Variants in RET observed in about 807,000 individuals in gnomAD.
RET encodes the protein proto-oncogene tyrosine-protein kinase receptor Ret.
RET carries 19 observed loss-of-function variants against 118.3 expected under a neutral mutation model. The observed-to-expected ratio is 0.16, with a 90% CI of 0.11 to 0.24. RET has a LOEUF of 0.24. Ranked by LOEUF, RET falls within the 10% of genes least tolerant of loss-of-function variation. RET has a pLI of 1.00. For synonymous variants in RET, 597 were observed against 644.1 expected (o/e 0.93, Z 1.11); for missense variants, 1,219 against 1,502.1 (o/e 0.81, Z 3.12).
At chr10:43,127,556 C>A in intron 19 of RET, 29 of 881,648 alleles carry the variant, frequency 3.3e-5, no homozygotes, top group Non-Finnish European at 3.9e-5. Context: ...GAGTTTCAAG[C>A]ATTTTTTTCA....
chr10:43,079,007 C>T (rs894620955), intron 1 of RET, among the ~76,000 whole-genome samples: 10 of 152,196 alleles, frequency 6.6e-5, no homozygotes, highest in Non-Finnish European at 1.2e-4. Flanking sequence ...AGGTTCGAGC[C>T]GCACTCTTGG....
intron 2 of RET, 113 bp downstream of exon 2, chr10:43,100,835 T>C: frequency 8.3e-7 from 1 of 1,197,822 alleles, no homozygotes; most frequent in Non-Finnish European, 1.2e-6. Context: ...CCACCGCTGG[T>C]GTGGAAGGCG....
At chr10:43,124,100 G>C (rs1249456611) in intron 17 of RET, among the ~76,000 whole-genome samples, 1 of 152,140 alleles carries the variant, frequency 6.6e-6, no homozygotes, top group Non-Finnish European at 1.5e-5. Context: ...ACTTAGGGAG[G>C]AGAAGGTAAT....
rs267607011 is a variant in RET at position 43,120,184 on chromosome 10, C to G, written c.2711C>G (p.Ser904Cys). 1.9e-6 allele frequency: 3 copies of G among 1,613,158 alleles called. No individual in the cohort carries two copies. Among genetic ancestry groups the G allele is most frequent in the Non-Finnish European group, 2.5e-6 (3 of 1,179,990 alleles). ...TCCCGAGATGTTTATGAAGAGGATT[C>G]CTACGTGAAGAGGAGCCAGGTGCCC... ...GLSRDVYEEDSYVKRSQGRIP... is the reference protein window; with the variant it reads ...GLSRDVYEEDCYVKRSQGRIP... The change falls in exon 15 of 20, where the codon TCC becomes TGC. Residue 904 changes from serine (S) to cysteine (C), a missense_variant. By Grantham distance (112) the Ser-to-Cys change is moderately radical. Transcript: ENST00000355710.
At position 43,130,095 on chromosome 10, in the gene RET, T is replaced by C. The variant is rs1313127455; in HGVS notation, c.*1826T>C. ...GGGGAATTTATCCTTGACCAATTTA[T>C]CCTTGACCAATAACCTAATTGTCTA... On this transcript the variant is annotated 3_prime_UTR_variant, in exon 20 of 20. Transcript: ENST00000355710. 2.5e-6 allele frequency: 1 copy of C among 397,994 alleles called. No homozygotes were observed. Among genetic ancestry groups the C allele is most frequent in the Non-Finnish European group, 4.4e-6 (1 of 225,870 alleles). 24.7% of individuals were successfully genotyped at this position (397,994 alleles called of 1,614,324 possible). A position where few individuals can be genotyped will look rare whatever the true frequency, so the allele number is the denominator to read the frequency against.
At chr10:43,084,107 CCGTCA>C (rs1837241695) in intron 1 of RET, among the ~76,000 whole-genome samples, 1 of 152,228 alleles carries the variant, frequency 6.6e-6, no homozygotes. Flanking sequence ...AAATAGTGTG[CCGTCA>C]CCCATTCATC....
chr10:43,100,538 G>A lies in RET; in HGVS notation c.153G>A (p.Leu51=), dbSNP rs1837615966. 1.2e-6 allele frequency: 2 copies of A among 1,613,898 alleles called. No homozygotes were observed. The highest frequency in any genetic ancestry group is 1.7e-6 in the Non-Finnish European group (2 of 1,180,022). ...ACCAGGCAGCCGGCACGCCCTTGCTGTACGTCCATGCCCTGCGGGACGCCC... is the reference window on the plus strand; with the variant it reads ...ACCAGGCAGCCGGCACGCCCTTGCTATACGTCCATGCCCTGCGGGACGCCC... ...YVDQAAGTPL[L]YVHALRDAPE... The change falls in exon 2 of 20, where the codon CTG becomes CTA. Residue 51 remains leucine (L), a synonymous_variant. Transcript: ENST00000355710.
chr10:43,121,832 T>C (rs904142519), intron 15 of RET, 114 bp from the exon 16 acceptor site: 1 of 803,552 alleles, frequency 1.2e-6, no homozygotes, highest in Admixed American at 1.7e-5. Context: ...CAGGAGTGTC[T>C]ACAGCACTCC....
chr10:43,123,610 C>T, intron 16 of RET, 61 bp from the exon 17 acceptor site: 3 of 1,611,460 alleles, frequency 1.9e-6, no homozygotes, highest in Admixed American at 1.7e-5. Flanking sequence ...ATATCTGGGC[C>T]CCCCGGAGGG....
At chr10:43,081,410 C>G (rs1178598784) in intron 1 of RET, among the ~76,000 whole-genome samples, 1 of 152,234 alleles carries the variant, frequency 6.6e-6, no homozygotes, top group African/African-American at 2.4e-5. Flanking sequence ...TGGGGACTCT[C>G]CAGAGCTGTC....
In RET at chr10:43,121,950, G is replaced by C. The variant is rs78347871; in HGVS notation, c.2735G>C (p.Arg912Pro). 1.2e-6 allele frequency: 2 copies of C among 1,611,804 alleles called. No homozygotes were observed. Among genetic ancestry groups the C allele is most frequent in the South Asian group, 2.2e-5 (2 of 91,028 alleles). The change falls in exon 16 of 20, where the codon CGG becomes CCG. Residue 912 changes from arginine to proline, a missense_variant. By Grantham distance (103) the Arg-to-Pro change is moderately radical. Transcript: ENST00000355710. ...TTTATTCCATCTTCTCTTTAGGGTC[G>C]GATTCCAGTTAAATGGATGGCAATT... ...EDSYVKRSQG[R>P]IPVKWMAIES... is the part of the protein sequence containing the mutation.
At chr10:43,096,988 T>A (rs563472433) in intron 1 of RET, among the ~76,000 whole-genome samples, 6 of 152,142 alleles carry the variant, frequency 3.9e-5, no homozygotes, top group Non-Finnish European at 8.8e-5. Context: ...TGGGAGGCAT[T>A]TTAAGTGCAT....
rs969827917 is a variant in RET, at chr10:43,114,322, C to T, written c.1880-158C>T. 5.9e-5 allele frequency among the ~76,000 whole-genome samples: 9 copies of T among 152,198 alleles called. No individual in the cohort carries two copies. Among genetic ancestry groups the T allele is most frequent in the African/African-American group, 2.2e-4 (9 of 41,524 alleles). On this transcript the variant is annotated intron_variant, in intron 10 of 19. Coordinates refer to ENST00000355710, the MANE Select transcript of RET (RefSeq NM_020975.6). This position sits in a 1 kb window ranked among gnomAD's most constrained non-coding sequence, Gnocchi z 4.6. ...GGCAGTAAATGGCAGTACCCATGCT[C>T]GATGGGGTGTTCTCAGGCCTTCCCA...
At chr10:43,124,429 G>A (rs531253414) in intron 17 of RET, among the ~76,000 whole-genome samples, 1 of 152,242 alleles carries the variant, frequency 6.6e-6, no homozygotes, top group East Asian at 1.9e-4. Flanking sequence ...GGCAAGCAAG[G>A]ACGGTGCAGG....
chr10:43,091,292 C>T (rs1220005507), intron 1 of RET, among the ~76,000 whole-genome samples: 1 of 152,104 alleles, frequency 6.6e-6, no homozygotes. Flanking sequence ...CTGTAGAGAA[C>T]TCCTCACACT....
chr10:43,100,371 G>T (rs1837609908), intron 1 of RET, 88 bp from the exon 2 acceptor site: 1 of 1,500,496 alleles, frequency 6.7e-7, no homozygotes, highest in Non-Finnish European at 9.2e-7. Flanking sequence ...TGCTAAGATC[G>T]GAATTTTAAA....
chr10:43,119,934 C>A, intron 14 of RET, 147 bp from the exon 15 acceptor site: 1 of 1,309,748 alleles, frequency 7.6e-7, no homozygotes, highest in Non-Finnish European at 1.1e-6. Context: ...GACTCCACCA[C>A]GCCCCTGCCA....
At position 43,112,980 on chromosome 10, in the gene RET, C is replaced by T. The variant is rs2132818270; in HGVS notation, c.1759+17C>T. On this transcript the variant is annotated intron_variant, in intron 9 of 19. Transcript: ENST00000355710. ...ACTGCCTCCGTAAGCAGGGTTTAAT[C>T]AGGGCATGGGAACAGGTAGGAGATA... is the stretch of plus-strand genomic sequence containing the variant. The T allele has an allele frequency of 1.3e-6, 2 of 1,599,634 alleles. No homozygotes were observed. The highest frequency in any genetic ancestry group is 1.7e-6 in the Non-Finnish European group (2 of 1,166,730).
chr10:43,091,537 A>C (rs993944069), intron 1 of RET, among the ~76,000 whole-genome samples: 1 of 151,704 alleles, frequency 6.6e-6, no homozygotes, highest in African/African-American at 2.4e-5. Flanking sequence ...AGGCTGAGGC[A>C]GGAGAATCGC....
Sources: allele counts gnomAD v4.1 joint callset (sites outside exome capture counted in the v4.1 genomes callset), GRCh38; gene constraint gnomAD v4.1.1; non-coding constraint Gnocchi (gnomAD v3.1); transcripts MANE v1.5; gene names NCBI Gene and HGNC (gene_info 2026-07-23, HGNC 2026-07-21).